The following HYLS1 variants were observed in gnomAD, a reference collection of about 807,000 sequenced individuals.
HYLS1 encodes the protein centriolar and ciliogenesis-associated protein HYLS1.
In HYLS1, 25 loss-of-function variants were observed where a neutral mutation model predicts 29.4. The ratio of observed to expected loss-of-function variants is 0.85; its 90% CI spans 0.62 to 1.19. The LOEUF (loss-of-function observed/expected upper bound fraction) is 1.19. HYLS1 is among the 50% of genes most tolerant of loss of function. HYLS1 has a pLI of 0.00. For synonymous variants in HYLS1, 128 were observed against 126.7 expected, an observed-to-expected ratio of 1.01 and a Z score of -0.07; for missense variants, 352 against 365.1, an observed-to-expected ratio of 0.96 and a Z score of 0.29.
In HYLS1 at chr11:125,899,997, C is replaced by T; in HGVS notation, c.629C>T (p.Thr210Ile). The T allele has an allele frequency of 6.2e-7, 1 of 1,614,232 alleles. No homozygotes were observed. The highest frequency in any genetic ancestry group is 8.5e-7 in the Non-Finnish European group (1 of 1,180,052). ...LDQLSRNRGK[T>I]DRVARYFEYK... ...CAGTTAAGCCGAAACCGGGGCAAGA[C>T]AGACCGGGTAGCCCGGTATTTTGAG... Residue 210 changes from threonine to isoleucine, a missense_variant, in exon 3 of 3, where the codon ACA (threonine) becomes ATA (isoleucine). Coordinates refer to ENST00000425380, the MANE Select transcript of HYLS1 (RefSeq NM_001134793.2).
upstream of HYLS1, among the ~76,000 whole-genome samples, chr11:125,886,902 A>C (rs971440835): frequency 7.4e-6 from 1 of 135,516 alleles, no homozygotes; most frequent in Non-Finnish European, 1.6e-5. Context: ...CTGGGCAACA[A>C]GAGGGAAACT....
In HYLS1 at chr11:125,900,167, C is replaced by T; in HGVS notation, c.799C>T (p.Pro267Ser). The change falls in exon 3 of 3, where the codon CCA (proline) becomes TCA (serine). Residue 267 changes from proline (P) to serine (S), a missense_variant. Coordinates refer to ENST00000425380, the MANE Select transcript of HYLS1 (RefSeq NM_001134793.2). ...HIYVPNNYLV[P>S]TEKKRSALRW... The stretch of plus-strand genomic sequence containing the variant: ...ATATGTCCCAAACAATTATCTAGTA[C>T]CAACAGAGAAGAAAAGGTCTGCACT... 1 of 1,614,126 alleles carries T rather than the reference C, an allele frequency of 6.2e-7. No individual in the cohort carries two copies. Among genetic ancestry groups the T allele is most frequent in the Non-Finnish European group, 8.5e-7 (1 of 1,180,006 alleles).
At chr11:125,890,919 G>C (rs992501031) in intron 1 of HYLS1, among the ~76,000 whole-genome samples, 4 of 150,246 alleles carry the variant, frequency 2.7e-5, no homozygotes, top group African/African-American at 9.8e-5. Flanking sequence ...CTGTATAGTA[G>C]GACACATGCC....
At position 125,894,286 on chromosome 11, in the gene HYLS1, A is replaced by G. The variant is rs751006630; in HGVS notation, c.-26+2814A>G. ...AGACTAGAGGAAATTCTACAGCCAT[A>G]CTAGAGAAAAAGAGAAAAGAAAGTT... On this transcript the variant is annotated intron_variant, in intron 2 of 2. Transcript: ENST00000425380. 1.1e-5 allele frequency: 18 copies of G among 1,589,764 alleles called. No individual in the cohort carries two copies. The East Asian group carries it at 3.6e-4, about 32-fold the overall frequency.
intron 2 of HYLS1, chr11:125,894,132 G>A (rs1286727765): frequency 6.2e-7 from 1 of 1,614,070 alleles, no homozygotes; most frequent in Admixed American, 1.7e-5. Context: ...TCCAGTCCTT[G>A]TAGCATACTA....
chr11:125,896,451 G>A (rs779809924), intron 2 of HYLS1: 63 of 667,992 alleles, frequency 9.4e-5, no homozygotes, highest in Non-Finnish European at 1.5e-4. Flanking sequence ...AGGAATACAA[G>A]CATTAGCTTT....
chr11:125,895,657 C>G, intron 2 of HYLS1: 2 of 1,614,212 alleles, frequency 1.2e-6, no homozygotes, highest in Non-Finnish European at 1.7e-6. Context: ...ATACGGATGT[C>G]TGGAGGGAGT....
intron 2 of HYLS1, among the ~76,000 whole-genome samples, chr11:125,897,356 C>T (rs1030036443): frequency 1.3e-5 from 2 of 151,892 alleles, no homozygotes; most frequent in African/African-American, 4.8e-5. Flanking sequence ...GCAAAACAGT[C>T]TAGAAACCCA....
rs758231142 is a variant in HYLS1 at position 125,899,543 on chromosome 11, G to A, written c.175G>A (p.Gly59Arg). Reference sequence around the variant, plus strand: ...CTACAGTAAAGCTTCAGTAGCCCCAGGGAAGCGACCTGCTCTTCCTGTGCA... The same window carrying A: ...CTACAGTAAAGCTTCAGTAGCCCCAAGGAAGCGACCTGCTCTTCCTGTGCA... ...DPYSKASVAP[G>R]KRPALPVQLQ... The change falls in exon 3 of 3, where the codon GGG becomes AGG. Residue 59 changes from glycine to arginine, a missense_variant. Coordinates refer to ENST00000425380, the MANE Select transcript of HYLS1 (RefSeq NM_001134793.2). The A allele has an allele frequency of 6.2e-7, 1 of 1,614,122 alleles. No individual in the cohort carries two copies. The highest frequency in any genetic ancestry group is 8.5e-7 in the Non-Finnish European group (1 of 1,179,998).
At chr11:125,883,915 G>C (rs1165047481), upstream of HYLS1, 1 of 152,194 alleles carries the variant, frequency 6.6e-6, no homozygotes, top group East Asian at 1.9e-4. Context: ...GATACAACCA[G>C]TTGAAAGCAA....
chr11:125,887,935 C>T (rs1944336414), intron 1 of HYLS1, 170 bp downstream of exon 1: 1 of 150,152 alleles, frequency 6.7e-6, no homozygotes, highest in South Asian at 2.1e-4. Context: ...GTCTGCGTTC[C>T]TGAGGGAGGC....
upstream of HYLS1, among the ~76,000 whole-genome samples, chr11:125,886,549 C>G (rs935157797): frequency 6.8e-6 from 1 of 147,500 alleles, no homozygotes; most frequent in African/African-American, 2.5e-5. Context: ...CAGATCTCAT[C>G]CTCAGCAATC....
chr11:125,885,624 TA>T (rs1944292296), upstream of HYLS1, among the ~76,000 whole-genome samples: 1 of 152,212 alleles, frequency 6.6e-6, no homozygotes, highest in African/African-American at 2.4e-5. Context: ...CTGAGCATAT[TA>T]AATTTGCTCC....
intron 2 of HYLS1, among the ~76,000 whole-genome samples, chr11:125,892,875 A>G (rs1274465791): frequency 1.3e-5 from 2 of 152,174 alleles, no homozygotes; most frequent in African/African-American, 2.4e-5. Flanking sequence ...TGCTCTACAA[A>G]TGTGACCTGT....
In HYLS1 at chr11:125,895,452, C is replaced by T. The variant is rs930064187; in HGVS notation, c.-25-3892C>T. 2 of 1,613,980 alleles carry T rather than the reference C, an allele frequency of 1.2e-6. No individual in the cohort carries two copies. The highest frequency in any genetic ancestry group is 1.3e-5 in the African/African-American group (1 of 74,938). ...CTGTACTTGAGCAGATAGAATAGTC[C>T]TCTGAAAATTAATCACACCGTTGGC... On this transcript the variant is annotated intron_variant, in intron 2 of 2. Transcript: ENST00000425380.
At chr11:125,894,413 T>C in intron 2 of HYLS1, 1 of 688,442 alleles carries the variant, frequency 1.5e-6, no homozygotes, top group Non-Finnish European at 2.4e-6. Flanking sequence ...TATTGCCTAA[T>C]AGCTGAGAAA....
Position 125,900,149 on chromosome 11 carries a change from C to G in HYLS1, c.781C>G (p.Pro261Ala). 1 of 1,614,128 alleles carries G rather than the reference C, an allele frequency of 6.2e-7. No individual in the cohort carries two copies. The highest frequency in any genetic ancestry group is 1.1e-5 in the South Asian group (1 of 91,068). Residue 261 changes from proline to alanine, a missense_variant, in exon 3 of 3, where the codon CCA (proline) becomes GCA (alanine). Coordinates refer to ENST00000425380, the MANE Select transcript of HYLS1 (RefSeq NM_001134793.2). ...ATCCAAACCTCAGCATATATATGTC[C>G]CAAACAATTATCTAGTACCAACAGA... ...PQSKPQHIYV[P>A]NNYLVPTEKK... is the part of the protein sequence containing the mutation.
intron 2 of HYLS1, among the ~76,000 whole-genome samples, chr11:125,895,036 G>A (rs1457898556): frequency 6.6e-6 from 1 of 151,434 alleles, no homozygotes; most frequent in Non-Finnish European, 1.5e-5. Context: ...CGGTGGAGAG[G>A]AGGATATGCT....
At position 125,899,511 on chromosome 11, in the gene HYLS1, A is replaced by G. The variant is rs761736699; in HGVS notation, c.143A>G (p.Tyr48Cys). 6.2e-7 allele frequency: 1 copy of G among 1,614,158 alleles called. No homozygotes were observed. Among genetic ancestry groups the G allele is most frequent in the South Asian group, 1.1e-5 (1 of 91,082 alleles). ...AGGAGAGAAGCCCAATCTATCCAAT[A>G]TGATCCCTACAGTAAAGCTTCAGTA... ...DVRREAQSIQ[Y>C]DPYSKASVAP... The change falls in exon 3 of 3, where the codon TAT becomes TGT. Residue 48 changes from tyrosine to cysteine, a missense_variant. Transcript: ENST00000425380.
Sources: gnomAD v4.1 joint callset for allele counts (sites outside exome capture counted in the v4.1 genomes callset) on GRCh38, gnomAD v4.1.1 for gene constraint, MANE v1.5 for transcripts, NCBI Gene and HGNC (gene_info 2026-07-23, HGNC 2026-07-21) for gene names.